Variants in MAGI1 observed in about 807,000 individuals in gnomAD.
MAGI1 encodes the protein membrane-associated guanylate kinase, WW and PDZ domain-containing protein 1.
Under a neutral mutation model 139.9 loss-of-function variants are expected in MAGI1, and 58 were observed. That is an observed-to-expected ratio of 0.41 (90% CI 0.34 to 0.52). The LOEUF (loss-of-function observed/expected upper bound fraction) is 0.52. Ranked by LOEUF, MAGI1 falls within the 20% of genes least tolerant of loss-of-function variation. MAGI1 has a pLI of 0.12. For synonymous variants in MAGI1, 812 were observed against 737.9 expected, an observed-to-expected ratio of 1.10 and a Z score of -1.63; for missense variants, 1,874 against 1,901.6, an observed-to-expected ratio of 0.99 and a Z score of 0.27.
At chr3:65,378,472 T>TA (rs1942750382) in intron 17 of MAGI1, among the ~76,000 whole-genome samples, 1 of 152,198 alleles carries the variant, frequency 6.6e-6, no homozygotes, top group African/African-American at 2.4e-5. Flanking sequence ...GTAGTATTTT[T>TA]ACTCCTTACA....
chr3:65,972,934 A>G (rs1385154885), intron 1 of MAGI1, among the ~76,000 whole-genome samples: 2 of 152,078 alleles, frequency 1.3e-5, no homozygotes, highest in African/African-American at 4.8e-5. Flanking sequence ...TGTTCTCCCA[A>G]CCACTTCACT....
At chr3:65,798,583 A>G (rs141944864) in intron 1 of MAGI1, among the ~76,000 whole-genome samples, 2 of 152,204 alleles carry the variant, frequency 1.3e-5, no homozygotes, top group African/African-American at 2.4e-5. Flanking sequence ...GGGTTTCCTT[A>G]AACTTCGCAG....
chr3:65,364,964 G>T lies in MAGI1; in HGVS notation c.3197-18C>A. ...CGAGGACTCTGCAAAGAGGGACAGAGCATAAAGAAATGAAGACCCCAGAGA... is the reference window on the plus strand; with the variant it reads ...CGAGGACTCTGCAAAGAGGGACAGATCATAAAGAAATGAAGACCCCAGAGA... On this transcript the variant is annotated intron_variant, in intron 18 of 22. Transcript: ENST00000402939. 1 of 1,607,554 alleles carries T rather than the reference G, an allele frequency of 6.2e-7. No homozygotes were observed. Among genetic ancestry groups the T allele is most frequent in the Non-Finnish European group, 8.5e-7 (1 of 1,174,094 alleles).
At chr3:65,501,852 A>G (rs183150681) in intron 2 of MAGI1, among the ~76,000 whole-genome samples, 1 of 152,348 alleles carries the variant, frequency 6.6e-6, no homozygotes, top group Admixed American at 6.5e-5. Context: ...ACATCCCTAC[A>G]AAGAACTACT....
At chr3:65,982,408 T>C (rs2065632388) in intron 1 of MAGI1, among the ~76,000 whole-genome samples, 1 of 152,210 alleles carries the variant, frequency 6.6e-6, no homozygotes, top group African/African-American at 2.4e-5. Flanking sequence ...TTGACCTTTC[T>C]CCTTCTCACC....
intron 1 of MAGI1, among the ~76,000 whole-genome samples, chr3:65,989,897 A>C (rs2066077785): frequency 2.0e-5 from 3 of 152,234 alleles, no homozygotes; most frequent in Non-Finnish European, 4.4e-5. Context: ...ATATTTGGGG[A>C]AAGTTAGCTG....
At chr3:65,781,140 G>T (rs1401827148) in intron 1 of MAGI1, among the ~76,000 whole-genome samples, 1 of 151,898 alleles carries the variant, frequency 6.6e-6, no homozygotes. Flanking sequence ...AGGCTGCAGA[G>T]AGCCAAGATC....
chr3:65,617,982 G>A (rs2083460481), intron 2 of MAGI1, among the ~76,000 whole-genome samples: 1 of 152,158 alleles, frequency 6.6e-6, no homozygotes, highest in Admixed American at 6.5e-5. Flanking sequence ...CATGAAGGAG[G>A]TCACGGAGTG....
At chr3:65,522,754 C>A (rs1444223699) in intron 2 of MAGI1, among the ~76,000 whole-genome samples, 1 of 152,180 alleles carries the variant, frequency 6.6e-6, no homozygotes, top group African/African-American at 2.4e-5. Flanking sequence ...GCTTCAAAGG[C>A]AGACAAGCCC....
chr3:65,735,160 T>G (rs1461316366), intron 1 of MAGI1, among the ~76,000 whole-genome samples: 1 of 152,178 alleles, frequency 6.6e-6, no homozygotes, highest in South Asian at 2.1e-4. Flanking sequence ...ATTGGAATCA[T>G]GCTGTATTCC....
intron 1 of MAGI1, among the ~76,000 whole-genome samples, chr3:65,737,051 C>G (rs1294788436): frequency 6.6e-6 from 1 of 151,780 alleles, no homozygotes; most frequent in Middle Eastern, 3.4e-3. Context: ...TGTCCCTAGG[C>G]TGGAGTGCAG....
intron 1 of MAGI1, among the ~76,000 whole-genome samples, chr3:65,773,787 C>A (rs180814084): frequency 4.6e-5 from 7 of 152,212 alleles, no homozygotes; most frequent in Admixed American, 2.6e-4. Flanking sequence ...TGCCTTGATT[C>A]GAGTGTTTAT....
At chr3:65,869,270 AAC>A (rs906198752) in intron 1 of MAGI1, among the ~76,000 whole-genome samples, 3 of 151,064 alleles carry the variant, frequency 2.0e-5, no homozygotes, top group African/African-American at 4.9e-5. Flanking sequence ...AAAAAAAAAA[AAC>A]AACAACTAAT....
Position 65,616,451 on chromosome 3 carries a change from G to T in MAGI1, c.430+5521C>A, listed in dbSNP as rs531560819. ...GATCCTTAAGAGTTGTACTTTAGAT[G>T]AAGCCAAAGTTAGAGATGACATGAT... On this transcript the variant is annotated intron_variant, in intron 2 of 22. Transcript: ENST00000402939. Among the ~76,000 whole-genome samples the T allele has an allele frequency of 3.3e-5, 5 of 152,312 alleles. No individual in the cohort carries two copies. The East Asian group carries it at 9.7e-4, about 29-fold the overall frequency.
chr3:65,906,577 A>C, intron 1 of MAGI1, among the ~76,000 whole-genome samples: 1 of 152,274 alleles, frequency 6.6e-6, no homozygotes, highest in Admixed American at 6.5e-5. Context: ...AGTTTCAATA[A>C]TCAAAATCAA....
chr3:65,423,915 T>C (rs866091507), intron 12 of MAGI1, among the ~76,000 whole-genome samples: 1 of 152,236 alleles, frequency 6.6e-6, no homozygotes, highest in African/African-American at 2.4e-5. Context: ...CTTTGCTTTA[T>C]ACTAATTTAT....
chr3:65,869,152 A>G (rs1216165900), intron 1 of MAGI1, among the ~76,000 whole-genome samples: 1 of 145,886 alleles, frequency 6.9e-6, no homozygotes, highest in African/African-American at 2.6e-5. Flanking sequence ...CTACTCGGAG[A>G]GGCAGAGGCA....
chr3:65,399,246 C>A (rs1944659689), intron 13 of MAGI1, among the ~76,000 whole-genome samples: 1 of 152,196 alleles, frequency 6.6e-6, no homozygotes, highest in Admixed American at 6.5e-5. Context: ...GAATGGCTTT[C>A]TGGTACCAGG....
intron 1 of MAGI1, among the ~76,000 whole-genome samples, chr3:65,859,489 G>C (rs1243604554): frequency 6.6e-6 from 1 of 152,112 alleles, no homozygotes; most frequent in African/African-American, 2.4e-5. Flanking sequence ...AGCGCTTTAG[G>C]AAGCTGAGGT....
Sources: allele counts gnomAD v4.1 joint callset (sites outside exome capture counted in the v4.1 genomes callset), GRCh38; gene constraint gnomAD v4.1.1; transcripts MANE v1.5; gene names NCBI Gene and HGNC (gene_info 2026-07-23, HGNC 2026-07-21).